Variants in ASIC2 observed in about 807,000 individuals in gnomAD.
ASIC2 encodes the protein acid-sensing ion channel 2.
Under a neutral mutation model 57.3 loss-of-function variants are expected in ASIC2, and 25 were observed. That is an observed-to-expected ratio of 0.44 (90% CI 0.32 to 0.61). The LOEUF (loss-of-function observed/expected upper bound fraction) is 0.61. ASIC2 is among the 20% of genes least tolerant of loss of function. The pLI is 0.06. For synonymous variants in ASIC2, 319 were observed against 307.5 expected, an observed-to-expected ratio of 1.04 and a Z score of -0.39; for missense variants, 641 against 738.1, an observed-to-expected ratio of 0.87 and a Z score of 1.52.
At chr17:33,653,987 A>G (rs1215245094) in intron 1 of ASIC2, among the ~76,000 whole-genome samples, 1 of 152,214 alleles carries the variant, frequency 6.6e-6, no homozygotes, top group Non-Finnish European at 1.5e-5. Context: ...TGAAGTTTAG[A>G]AAGTGAAAAA....
At chr17:33,837,283 A>G (rs1054654708) in intron 1 of ASIC2, among the ~76,000 whole-genome samples, 1 of 152,210 alleles carries the variant, frequency 6.6e-6, no homozygotes, top group African/African-American at 2.4e-5. Flanking sequence ...GTCTTGCTCA[A>G]TCAATGGCCT....
intron 1 of ASIC2, among the ~76,000 whole-genome samples, chr17:33,361,799 G>A (rs1297035938): frequency 5.3e-5 from 8 of 152,094 alleles, no homozygotes; most frequent in Admixed American, 5.2e-4. Context: ...AAGACATATG[G>A]AACAGTTCTT....
At chr17:33,667,347 T>C (rs1332336489) in intron 1 of ASIC2, among the ~76,000 whole-genome samples, 8 of 152,136 alleles carry the variant, frequency 5.3e-5, no homozygotes, top group Admixed American at 5.2e-4. Flanking sequence ...CACATGTGCT[T>C]TGTGGTTATT....
chr17:33,175,122 C>G (rs1905697287), intron 1 of ASIC2, among the ~76,000 whole-genome samples: 1 of 152,196 alleles, frequency 6.6e-6, no homozygotes, highest in African/African-American at 2.4e-5. Context: ...TGAAGCTAAG[C>G]ACTCTGGTGA....
At chr17:33,194,920 G>C (rs185664626) in intron 1 of ASIC2, among the ~76,000 whole-genome samples, 28 of 152,298 alleles carry the variant, frequency 1.8e-4, no homozygotes, top group African/African-American at 6.5e-4. Flanking sequence ...GGAAACTTTG[G>C]GGAAAGACAA....
chr17:33,293,351 T>C (rs1263373018), upstream of ASIC2, among the ~76,000 whole-genome samples: 1 of 152,078 alleles, frequency 6.6e-6, no homozygotes, highest in South Asian at 2.1e-4. Context: ...GACGCGGTGC[T>C]GACGCGCCCG....
chr17:33,701,635 C>A lies in ASIC2; in HGVS notation c.555+454343G>T, dbSNP rs1413043066. ...TTTGAGCACCTTGACACAGTACAGA[C>A]TCCCTCCAAGTCAGGGTCAGCCATT... On this transcript the variant is annotated intron_variant, in intron 1 of 9. Coordinates refer to the ASIC2 transcript ENST00000359872. Among the ~76,000 whole-genome samples the A allele has an allele frequency of 2.0e-5, 3 of 152,188 alleles. No homozygotes were observed. In the South Asian group the frequency reaches 6.2e-4, roughly 32 times the overall value.
rs555129560 is a variant in ASIC2, at chr17:34,031,347, C to T, written c.555+124631G>A. ...TAACAAACAGGAAGGACATCCACACCAAAAACCCATCTGTACCTCACCATC... is the reference window on the plus strand; with the variant it reads ...TAACAAACAGGAAGGACATCCACACTAAAAACCCATCTGTACCTCACCATC... On this transcript the variant is annotated intron_variant, in intron 1 of 9. Coordinates refer to the ASIC2 transcript ENST00000359872. 3.9e-5 allele frequency among the ~76,000 whole-genome samples: 6 copies of T among 152,140 alleles called. No individual in the cohort carries two copies. The South Asian group carries it at 1.2e-3, about 32-fold the overall frequency.
intron 1 of ASIC2, among the ~76,000 whole-genome samples, chr17:33,571,232 CTG>C (rs1221871622): frequency 6.6e-6 from 1 of 152,198 alleles, no homozygotes; most frequent in Non-Finnish European, 1.5e-5. Flanking sequence ...CCTATACACT[CTG>C]TGAGGCAGGG....
intron 1 of ASIC2, among the ~76,000 whole-genome samples, chr17:33,595,689 T>G (rs1452698977): frequency 6.6e-6 from 1 of 152,278 alleles, no homozygotes; most frequent in African/African-American, 2.4e-5. Context: ...TCCCTGAGCT[T>G]CTGTTTCTTC....
At position 33,600,847 on chromosome 17, in the gene ASIC2, C is replaced by T. The variant is rs1905102696; in HGVS notation, c.556-488780G>A. Among the ~76,000 whole-genome samples, 3 of 152,244 alleles carry T rather than the reference C, an allele frequency of 2.0e-5. No homozygotes were observed. In the South Asian group the frequency reaches 6.2e-4, roughly 32 times the overall value. On this transcript the variant is annotated intron_variant, in intron 1 of 9. Transcript: ENST00000359872. ...AGAAATATGGGTGGTAAAGGCCATTCTGAAGAGGTCTCAGACAGAAATGAG... is the reference window on the plus strand; with the variant it reads ...AGAAATATGGGTGGTAAAGGCCATTTTGAAGAGGTCTCAGACAGAAATGAG...
intron 1 of ASIC2, among the ~76,000 whole-genome samples, chr17:33,369,686 A>G (rs925469215): frequency 3.3e-5 from 5 of 152,194 alleles, no homozygotes; most frequent in Non-Finnish European, 7.3e-5. Context: ...CAGTGGGACT[A>G]TATAACTCCC....
At chr17:33,737,679 T>C (rs1347224121) in intron 1 of ASIC2, among the ~76,000 whole-genome samples, 1 of 152,186 alleles carries the variant, frequency 6.6e-6, no homozygotes, top group African/African-American at 2.4e-5. Flanking sequence ...ACATGGAATT[T>C]AGTATTTGCT....
intron 1 of ASIC2, among the ~76,000 whole-genome samples, chr17:33,729,965 A>G (rs1178892292): frequency 6.6e-6 from 1 of 152,220 alleles, no homozygotes; most frequent in Admixed American, 6.5e-5. Flanking sequence ...CGGAGAGTCC[A>G]TGATCTTCCC....
intron 1 of ASIC2, among the ~76,000 whole-genome samples, chr17:33,434,422 T>C (rs1457201305): frequency 1.3e-5 from 2 of 152,132 alleles, no homozygotes; most frequent in African/African-American, 4.8e-5. Context: ...GTAAAATTAC[T>C]GCACTTTAAG....
At chr17:33,386,767 C>A (rs1327970489) in intron 1 of ASIC2, among the ~76,000 whole-genome samples, 1 of 152,072 alleles carries the variant, frequency 6.6e-6, no homozygotes. Flanking sequence ...GATCTCTCGG[C>A]CTCATTTAGT....
At chr17:33,319,741 C>T (rs1373244780) in intron 1 of ASIC2, among the ~76,000 whole-genome samples, 6 of 152,096 alleles carry the variant, frequency 3.9e-5, no homozygotes, top group Non-Finnish European at 1.5e-5. Context: ...ACCATGTTGC[C>T]GTAGCTAGTC....
chr17:34,091,281 T>C (rs62059035), intron 1 of ASIC2, among the ~76,000 whole-genome samples: 27,191 of 152,232 alleles, frequency 0.18, 3,065 homozygotes, highest in African/African-American at 0.32. Flanking sequence ...AGAGGCCTTA[T>C]GAAGATGTGA....
intron 1 of ASIC2, among the ~76,000 whole-genome samples, chr17:33,871,101 C>G (rs1464272332): frequency 6.6e-6 from 1 of 152,194 alleles, no homozygotes; most frequent in Non-Finnish European, 1.5e-5. Context: ...TCCCCTCCTC[C>G]TCTCCCTTCC....
Sources: allele counts gnomAD v4.1 joint callset (sites outside exome capture counted in the v4.1 genomes callset), GRCh38; gene constraint gnomAD v4.1.1; transcripts MANE v1.5; gene names NCBI Gene and HGNC (gene_info 2026-07-23, HGNC 2026-07-21).